The following TMEM150A variants were observed in gnomAD, a reference collection of about 807,000 sequenced individuals.
TMEM150A encodes the protein transmembrane protein 150A, also known as fasting-inducible integral membrane protein TM6P1.
In TMEM150A, 18 loss-of-function variants were observed where a neutral mutation model predicts 29.8. That is an observed-to-expected ratio of 0.60 (90% CI 0.42 to 0.90). The LOEUF is 0.90. Ranked by LOEUF, TMEM150A falls within the 40% of genes least tolerant of loss-of-function variation. TMEM150A has a pLI of 0.00. For missense variants in TMEM150A, 251 were observed against 349.7 expected, an observed-to-expected ratio of 0.72 and a Z score of 2.25; for synonymous variants, 127 against 143.6, an observed-to-expected ratio of 0.88 and a Z score of 0.83.
Position 85,600,253 on chromosome 2 carries a change from T to C in TMEM150A, c.268+92A>G, listed in dbSNP as rs575768940. On this transcript the variant is annotated intron_variant, in intron 5 of 7. Coordinates refer to ENST00000334462, the MANE Select transcript of TMEM150A (RefSeq NM_001031738.3). The stretch of plus-strand genomic sequence containing the variant: ...CTGCCTCTATTGCCTTAGCCCTTGG[T>C]GGGGAGGGCTGCACAGAAGGGCTTC... The C allele has an allele frequency of 3.5e-5, 51 of 1,463,188 alleles. No homozygotes were observed. In the African/African-American group the frequency reaches 5.7e-4, roughly 16 times the overall value. 90.6% of individuals were successfully genotyped at this position (1,463,188 alleles called of 1,614,324 possible).
rs777878034 is a variant in TMEM150A at position 85,599,908 on chromosome 2, C to T, written c.379G>A (p.Val127Met). The change falls in exon 6 of 8, where the codon GTG becomes ATG. Residue 127 changes from valine to methionine, a missense_variant. Coordinates refer to ENST00000334462, the MANE Select transcript of TMEM150A (RefSeq NM_001031738.3). The surrounding 1 kb of genome is among the most constrained non-coding windows in gnomAD (Gnocchi z 6.0). The stretch of plus-strand genomic sequence containing the variant: ...GGAAGCACCTGAAAGTTGCCAACCA[C>T]CAAGAGGCCCGCAGCGTTGGTGCAG... ...TGCTNAAGLL[V>M]VGNFQVDHAR... The T allele has an allele frequency of 1.2e-6, 2 of 1,613,434 alleles. No homozygotes were observed. Among genetic ancestry groups the T allele is most frequent in the Admixed American group, 1.7e-5 (1 of 60,022 alleles).
rs751591051 is a variant in TMEM150A, at chr2:85,600,022, G to A, written c.269-4C>T. 4.3e-6 allele frequency: 7 copies of A among 1,611,842 alleles called. No homozygotes were observed. The highest frequency in any genetic ancestry group is 5.1e-6 in the Non-Finnish European group (6 of 1,179,972). On this transcript the variant is annotated splice_polypyrimidine_tract_variant and splice_region_variant and intron_variant, in intron 5 of 7. Transcript: ENST00000334462. ...CGCAGGAGGCAGATCAGGGCCACTGGGGGAGGAGAGCACAGTTGAGGCCTT... is the reference window on the plus strand; with the variant it reads ...CGCAGGAGGCAGATCAGGGCCACTGAGGGAGGAGAGCACAGTTGAGGCCTT...
chr2:85,601,184 G>A lies in TMEM150A; in HGVS notation c.114-77C>T, dbSNP rs1056043334. 2 of 1,467,342 alleles carry A rather than the reference G, an allele frequency of 1.4e-6. No homozygotes were observed. The highest frequency in any genetic ancestry group is 1.9e-6 in the Non-Finnish European group (2 of 1,061,158). 90.9% of individuals were successfully genotyped at this position (1,467,342 alleles called of 1,614,324 possible). A position where few individuals can be genotyped will look rare whatever the true frequency, so the allele number is the denominator to read the frequency against. On this transcript the variant is annotated intron_variant, in intron 3 of 7. Coordinates refer to ENST00000334462, the MANE Select transcript of TMEM150A (RefSeq NM_001031738.3). The surrounding 1 kb of genome is among the most constrained non-coding windows in gnomAD (Gnocchi z 4.0). ...TTGGCCTATAGCCTCAGGCCTCAAAGAGGACTCTCTCCCAGACCTCCCCTA... is the reference window on the plus strand; with the variant it reads ...TTGGCCTATAGCCTCAGGCCTCAAAAAGGACTCTCTCCCAGACCTCCCCTA...
rs1672781680 is a variant in TMEM150A at position 85,599,142 on chromosome 2, C to T, written c.750G>A (p.Lys250=). 1.2e-6 allele frequency: 2 copies of T among 1,613,804 alleles called. No homozygotes were observed. The highest frequency in any genetic ancestry group is 8.5e-7 in the Non-Finnish European group (1 of 1,180,014). The change falls in exon 8 of 8, where the codon AAG becomes AAA. Residue 250 remains lysine (K), a synonymous_variant. Coordinates refer to ENST00000334462, the MANE Select transcript of TMEM150A (RefSeq NM_001031738.3). The surrounding 1 kb of genome is among the most constrained non-coding windows in gnomAD (Gnocchi z 6.0). ...ALQPTPGRAC[K]SSGSSSTSTH... is the part of the protein sequence containing the mutation. ...TGGAGGTGCTGCTGCTCCCGGAGGA[C>T]TTGCAGGCCCGGCCAGGGGTAGGCT... is the stretch of plus-strand genomic sequence containing the variant.
intron 4 of TMEM150A, chr2:85,600,815 C>T (rs1672892465): frequency 1.2e-5 from 7 of 571,068 alleles, no homozygotes; most frequent in Non-Finnish European, 2.2e-5. Flanking sequence ...AAAACAATAC[C>T]TGCCTCACTC....
chr2:85,600,457 C>G (rs775539862), intron 4 of TMEM150A, 45 bp from the exon 5 acceptor site: 2 of 1,521,108 alleles, frequency 1.3e-6, no homozygotes, highest in Admixed American at 3.4e-5. Context: ...GCAGGAGGCC[C>G]GGGGGGCCCC....
chr2:85,601,829 A>G lies in TMEM150A; in HGVS notation c.65+55T>C. On this transcript the variant is annotated intron_variant, in intron 2 of 7. Coordinates refer to ENST00000334462, the MANE Select transcript of TMEM150A (RefSeq NM_001031738.3). The surrounding 1 kb of genome is among the most constrained non-coding windows in gnomAD (Gnocchi z 4.0). Reference sequence around the variant, plus strand: ...CACCGTGGCTATGACAGGACAAGAGACTTTGTGTGCGTCATCAAGCTCCTG... The same window carrying G: ...CACCGTGGCTATGACAGGACAAGAGGCTTTGTGTGCGTCATCAAGCTCCTG... 4 of 1,594,716 alleles carry G rather than the reference A, an allele frequency of 2.5e-6. No individual in the cohort carries two copies. In the South Asian group the frequency reaches 4.4e-5, roughly 18 times the overall value.
rs759396272 is a variant in TMEM150A at position 85,600,335 on chromosome 2, T to C, written c.268+10A>G. On this transcript the variant is annotated intron_variant, in intron 5 of 7. Transcript: ENST00000334462. ...GGGCACGCAGGGTCAGGGCTAAGGG[T>C]ACAACTCACCCATGAAAGCACCCAT... 1.2e-6 allele frequency: 2 copies of C among 1,613,500 alleles called. No homozygotes were observed. Among genetic ancestry groups the C allele is most frequent in the South Asian group, 2.2e-5 (2 of 91,058 alleles).
At position 85,599,838 on chromosome 2, in the gene TMEM150A, A is replaced by C. The variant is rs1316281578; in HGVS notation, c.396+53T>G. 1.2e-6 allele frequency: 2 copies of C among 1,611,448 alleles called. No homozygotes were observed. The highest frequency in any genetic ancestry group is 3.3e-5 in the Admixed American group (2 of 59,962). ...AACCTTGAGGTGCCACACTGCAGGC[A>C]GCCAGGCCTTGTTAGGTAAAGTTTA... On this transcript the variant is annotated intron_variant, in intron 6 of 7. Coordinates refer to ENST00000334462, the MANE Select transcript of TMEM150A (RefSeq NM_001031738.3). This position sits in a 1 kb window ranked among gnomAD's most constrained non-coding sequence, Gnocchi z 6.0.
At position 85,598,962 on chromosome 2, in the gene TMEM150A, G is replaced by A. The variant is rs1672770275; in HGVS notation, c.*114C>T. The A allele has an allele frequency of 6.9e-7, 1 of 1,447,360 alleles. No homozygotes were observed. 89.7% of individuals were successfully genotyped at this position (1,447,360 alleles called of 1,614,324 possible). ...GGATGGCCACTTCTCCAGAAGTGAG[G>A]AAGCCCAGATCCCAACAGAATACTT... On this transcript the variant is annotated 3_prime_UTR_variant, in exon 8 of 8. Coordinates refer to ENST00000334462, the MANE Select transcript of TMEM150A (RefSeq NM_001031738.3).
At position 85,599,200 on chromosome 2, in the gene TMEM150A, G is replaced by T; in HGVS notation, c.692C>A (p.Ala231Glu). The T allele has an allele frequency of 6.2e-7, 1 of 1,613,904 alleles. No homozygotes were observed. Among genetic ancestry groups the T allele is most frequent in the Non-Finnish European group, 8.5e-7 (1 of 1,180,006 alleles). The stretch of plus-strand genomic sequence containing the variant: ...AGCCACCAGTGTGTCTGAGGAGACT[G>T]CCCCAAACTCGTAGCTGAAGGTGCC... ...FYGTFSYEFG[A>E]VSSDTLVAAL... Residue 231 changes from alanine to glutamate, a missense_variant, in exon 8 of 8, where the codon GCA (alanine) becomes GAA (glutamate). By Grantham distance (107) the Ala-to-Glu change is moderately radical (BLOSUM62 -1). Transcript: ENST00000334462. This position sits in a 1 kb window ranked among gnomAD's most constrained non-coding sequence, Gnocchi z 6.0.
In TMEM150A at chr2:85,599,649, C is replaced by T. The variant is rs373505764; in HGVS notation, c.450G>A (p.Ala150=). 1.0e-4 allele frequency: 162 copies of T among 1,613,600 alleles called. No individual in the cohort carries two copies. The highest frequency in any genetic ancestry group is 3.9e-4 in the African/African-American group (29 of 74,938). The part of the protein sequence containing the change: ...HYVGAGVAFP[A]GLLFVCLHCA... ...AGTGCAGGCAAACAAAGAGCAGCCC[C>T]GCAGGGAAGGCCACGCCAGCTCCAA... Residue 150 remains alanine, a synonymous_variant, in exon 7 of 8, where the codon GCG becomes GCA. Transcript: ENST00000334462. This position sits in a 1 kb window ranked among gnomAD's most constrained non-coding sequence, Gnocchi z 6.0.
chr2:85,600,615 G>A (rs1230872491), intron 4 of TMEM150A: 2 of 600,952 alleles, frequency 3.3e-6, no homozygotes, highest in African/African-American at 3.7e-5. Flanking sequence ...TGAGAGAGAA[G>A]GGAGTGCCCA....
Position 85,601,675 on chromosome 2 carries a change from A to G in TMEM150A, c.66-193T>C. ...GCCCCCAGCTACAGGCCCTCTGGAAATTGCCCTGGCTAGAAGTATATTTGT... is the reference window on the plus strand; with the variant it reads ...GCCCCCAGCTACAGGCCCTCTGGAAGTTGCCCTGGCTAGAAGTATATTTGT... On this transcript the variant is annotated intron_variant, in intron 2 of 7. Transcript: ENST00000334462. This position sits in a 1 kb window ranked among gnomAD's most constrained non-coding sequence, Gnocchi z 4.0. 3.5e-6 allele frequency: 3 copies of G among 852,604 alleles called. No individual in the cohort carries two copies. In the East Asian group the frequency reaches 7.5e-5, roughly 21 times the overall value. The allele number at this position is 852,604 out of a possible 1,614,324, so 52.8% of individuals were successfully genotyped here.
Position 85,601,710 on chromosome 2 carries a change from C to G in TMEM150A, c.65+174G>C. 1 of 899,534 alleles carries G rather than the reference C, an allele frequency of 1.1e-6. No homozygotes were observed. Among genetic ancestry groups the G allele is most frequent in the Admixed American group, 2.2e-5 (1 of 45,314 alleles). The allele number at this position is 899,534 out of a possible 1,614,324, so 55.7% of individuals were successfully genotyped here. ...CTAGAAGTATATTTGTCAGGGCCAC[C>G]CTGCTGGACAGCAGTGGTGCCAGCT... On this transcript the variant is annotated intron_variant, in intron 2 of 7. Coordinates refer to ENST00000334462, the MANE Select transcript of TMEM150A (RefSeq NM_001031738.3). The surrounding 1 kb of genome is among the most constrained non-coding windows in gnomAD (Gnocchi z 4.0).
Position 85,599,089 on chromosome 2 carries a change from A to C in TMEM150A, c.803T>G (p.Ile268Ser). ...STHLNCAPES[I>S]AMI ...CCTCCCCAGACCTTAGATCATAGCGATGCTCTCGGGGGCACAGTTGAGGTG... is the reference window on the plus strand; with the variant it reads ...CCTCCCCAGACCTTAGATCATAGCGCTGCTCTCGGGGGCACAGTTGAGGTG... The change falls in exon 8 of 8, where the codon ATC (isoleucine) becomes AGC (serine). Residue 268 changes from isoleucine (I) to serine (S), a missense_variant. By Grantham distance (142) the Ile-to-Ser change is moderately radical. Coordinates refer to ENST00000334462, the MANE Select transcript of TMEM150A (RefSeq NM_001031738.3). The surrounding 1 kb of genome is among the most constrained non-coding windows in gnomAD (Gnocchi z 6.0). The C allele has an allele frequency of 6.2e-7, 1 of 1,613,540 alleles. No individual in the cohort carries two copies. Among genetic ancestry groups the C allele is most frequent in the Non-Finnish European group, 8.5e-7 (1 of 1,179,952 alleles).
Position 85,602,433 on chromosome 2 carries a change from G to C in TMEM150A, c.-117+174C>G, listed in dbSNP as rs1673025643. The C allele has an allele frequency of 6.6e-6, 1 of 152,250 alleles. No individual in the cohort carries two copies. The highest frequency in any genetic ancestry group is 1.5e-5 in the Non-Finnish European group (1 of 68,106). 9.4% of individuals were successfully genotyped at this position (152,250 alleles called of 1,614,324 possible). The stretch of plus-strand genomic sequence containing the variant: ...CAACCACCTGACCATCGGCGCCCTG[G>C]GCGAGGGGCGGGTTCACGCGGAAAG... On this transcript the variant is annotated intron_variant, in intron 1 of 7. Transcript: ENST00000334462. The surrounding 1 kb of genome is among the most constrained non-coding windows in gnomAD (Gnocchi z 5.6).
rs1672826721 is a variant in TMEM150A, at chr2:85,599,801, C to T, written c.396+90G>A. 1.2e-6 allele frequency: 2 copies of T among 1,603,588 alleles called. No homozygotes were observed. Among genetic ancestry groups the T allele is most frequent in the Admixed American group, 3.4e-5 (2 of 59,340 alleles). On this transcript the variant is annotated intron_variant, in intron 6 of 7. Transcript: ENST00000334462. This position sits in a 1 kb window ranked among gnomAD's most constrained non-coding sequence, Gnocchi z 6.0. ...TCTCTCCCTCTTCCTTCCTCTCCCT[C>T]TTTCCAGCCCCAACCTTGAGGTGCC...
chr2:85,599,505 GC>G lies in TMEM150A; in HGVS notation c.574+19del. 1 of 1,599,802 alleles carries G rather than the reference GC, an allele frequency of 6.3e-7. No homozygotes were observed. The highest frequency in any genetic ancestry group is 1.3e-5 in the African/African-American group (1 of 74,604). ...TGAGCTAGAGGATGAGTTCCTGGCT[GC>G]CCCGTCCTGAAAGGATACTGAGGAC... On this transcript the variant is annotated intron_variant, in intron 7 of 7. Coordinates refer to ENST00000334462, the MANE Select transcript of TMEM150A (RefSeq NM_001031738.3). The surrounding 1 kb of genome is among the most constrained non-coding windows in gnomAD (Gnocchi z 6.0).
Sources: gnomAD v4.1 joint callset for allele counts on GRCh38, gnomAD v4.1.1 for gene constraint, Gnocchi (gnomAD v3.1) non-coding constraint, MANE v1.5 for transcripts, NCBI Gene and HGNC (gene_info 2026-07-23, HGNC 2026-07-21) for gene names.